The following DAB1 variants were observed in gnomAD, a reference collection of about 807,000 sequenced individuals.
DAB1 encodes DAB adaptor protein 1.
A neutral mutation model predicts 64.6 loss-of-function variants in DAB1; 15 were observed. The observed-to-expected ratio is 0.23, with a 90% CI of 0.16 to 0.36. The LOEUF is 0.36. DAB1 is among the 10% of genes least tolerant of loss of function. DAB1 has a pLI of 1.00. For synonymous variants in DAB1, 235 were observed against 251.9 expected, an observed-to-expected ratio of 0.93 and a Z score of 0.64; for missense variants, 596 against 706.7, an observed-to-expected ratio of 0.84 and a Z score of 1.78.
intron 4 of DAB1, among the ~76,000 whole-genome samples, chr1:57,127,002 T>C (rs12566320): frequency 0.011 from 1,732 of 151,910 alleles, 29 homozygotes; most frequent in East Asian, 0.058. Context: ...GCCATCACTG[T>C]AAAGCACTTG....
intron 2 of DAB1, among the ~76,000 whole-genome samples, chr1:58,508,431 G>A (rs2100421496): frequency 6.6e-6 from 1 of 152,268 alleles, no homozygotes; most frequent in Non-Finnish European, 1.5e-5. Context: ...GAGAAATCCT[G>A]AAACTAGGTG....
chr1:57,025,071 G>A (rs4912422), intron 10 of DAB1, among the ~76,000 whole-genome samples: 20,424 of 152,066 alleles, frequency 0.13, 1,832 homozygotes, highest in East Asian at 0.33. Flanking sequence ...ACCATCCCTC[G>A]GTTTGCACAA....
At chr1:58,260,913 T>G (rs940585436) in intron 4 of DAB1, among the ~76,000 whole-genome samples, 1 of 152,182 alleles carries the variant, frequency 6.6e-6, no homozygotes, top group Non-Finnish European at 1.5e-5. Flanking sequence ...CGAGAGTCCA[T>G]AAAACCCTGA....
At chr1:57,560,795 A>T (rs796437220) in intron 7 of DAB1, among the ~76,000 whole-genome samples, 2 of 152,300 alleles carry the variant, frequency 1.3e-5, no homozygotes, top group African/African-American at 2.4e-5. Context: ...CCCATAGGTG[A>T]ATCACAGCAG....
intron 3 of DAB1, among the ~76,000 whole-genome samples, chr1:58,413,400 C>G (rs1379766271): frequency 6.6e-6 from 1 of 152,154 alleles, no homozygotes; most frequent in Non-Finnish European, 1.5e-5. Context: ...GAAACTGAGG[C>G]ACAGAAATGT....
intron 2 of DAB1, among the ~76,000 whole-genome samples, chr1:58,519,141 C>T (rs1646220256): frequency 6.6e-6 from 1 of 152,150 alleles, no homozygotes; most frequent in Non-Finnish European, 1.5e-5. Context: ...GTATAAGGGT[C>T]ATAACAGAGA....
intron 3 of DAB1, among the ~76,000 whole-genome samples, chr1:58,407,315 TAGA>T (rs1268545915): frequency 2.6e-5 from 4 of 152,274 alleles, no homozygotes; most frequent in African/African-American, 7.2e-5. Context: ...CTATCTCTAC[TAGA>T]ATTGCAAACT....
chr1:57,128,247 A>G (rs1657334649), intron 4 of DAB1, among the ~76,000 whole-genome samples: 1 of 152,032 alleles, frequency 6.6e-6, no homozygotes, highest in Non-Finnish European at 1.5e-5. Flanking sequence ...AAAACACTCT[A>G]CACTCATCAC....
chr1:57,254,200 T>C (rs1669586883), intron 2 of DAB1, among the ~76,000 whole-genome samples: 1 of 152,176 alleles, frequency 6.6e-6, no homozygotes, highest in Non-Finnish European at 1.5e-5. Flanking sequence ...CTCAGTACAA[T>C]CTCCTGGGCT....
chr1:58,219,726 C>A (rs1659056765), intron 4 of DAB1, among the ~76,000 whole-genome samples: 1 of 152,234 alleles, frequency 6.6e-6, no homozygotes, highest in South Asian at 2.1e-4. Flanking sequence ...CACACCTGCA[C>A]CACACACCCT....
intron 7 of DAB1, among the ~76,000 whole-genome samples, chr1:57,537,814 T>C (rs1404289712): frequency 6.6e-6 from 1 of 152,168 alleles, no homozygotes; most frequent in African/African-American, 2.4e-5. Flanking sequence ...AGAGAAGAGT[T>C]TATTTGGCTC....
rs199509084 is a variant in DAB1 at position 58,293,575 on chromosome 1, AC to A, written n.309+49776del. Among the ~76,000 whole-genome samples, 1,351 of 152,236 alleles carry A rather than the reference AC, an allele frequency of 8.9e-3. 28 individuals carry two copies. Among genetic ancestry groups the A allele is most frequent in the African/African-American group, 0.031 (1,296 of 41,554 alleles). ...ATCTTTTTCCTACTTACCACTGGAA[AC>A]CACAGGAGAATCTGGCATGGGCAGG... On this transcript the variant is annotated intron_variant and non_coding_transcript_variant, in intron 4 of 20. Transcript: ENST00000485760.
upstream of DAB1, among the ~76,000 whole-genome samples, chr1:57,887,486 T>C (rs1180819346): frequency 2.0e-5 from 3 of 152,206 alleles, no homozygotes; most frequent in African/African-American, 7.2e-5. Context: ...AGTCAACGCA[T>C]AGAAGAGACA....
At chr1:57,915,040 G>A (rs17520463) in intron 5 of DAB1, among the ~76,000 whole-genome samples, 40,271 of 150,920 alleles carry the variant, frequency 0.27, 5,668 homozygotes, top group African/African-American at 0.28. Flanking sequence ...CAAATAAGCC[G>A]AAGCGAGGGC....
intron 7 of DAB1, among the ~76,000 whole-genome samples, chr1:57,520,269 T>A (rs1644509622): frequency 6.6e-6 from 1 of 152,218 alleles, no homozygotes; most frequent in South Asian, 2.1e-4. Context: ...AGGTTTATTT[T>A]TAAAGAAAAA....
intron 2 of DAB1, among the ~76,000 whole-genome samples, chr1:57,267,984 A>T (rs1670716350): frequency 6.6e-6 from 1 of 152,222 alleles, no homozygotes. Flanking sequence ...ATCATTTATA[A>T]TTCCAAGAAG....
At chr1:58,253,412 G>C (rs1027872518) in intron 4 of DAB1, among the ~76,000 whole-genome samples, 1 of 152,212 alleles carries the variant, frequency 6.6e-6, no homozygotes, top group African/African-American at 2.4e-5. Context: ...TTTCCTGAGT[G>C]TAAATATCCT....
At chr1:58,356,558 A>C (rs60435813) in intron 3 of DAB1, among the ~76,000 whole-genome samples, 2,302 of 152,244 alleles carry the variant, frequency 0.015, 63 homozygotes, top group African/African-American at 0.053. Context: ...GCAGAGAACC[A>C]GCATGTAAGA....
rs1557568547 is a variant in DAB1, at chr1:57,023,570, A to C, written c.856T>G (p.Phe286Val). Reference protein sequence around the residue: ...SQTLPASADVFSSVPFGTAAV... With the variant: ...SQTLPASADVVSSVPFGTAAV... ...GCAGTGCCGAAAGGTACAGAACTAA[A>C]CACATCTGCACTCGCTGGAAGGGTC... The change falls in exon 11 of 15, where the codon TTT (phenylalanine) becomes GTT (valine). Residue 286 changes from phenylalanine to valine, a missense_variant. By Grantham distance (50) the Phe-to-Val change is conservative. Coordinates refer to ENST00000371236, the MANE Select transcript of DAB1 (RefSeq NM_001365792.1). The C allele has an allele frequency of 6.2e-7, 1 of 1,611,684 alleles. No individual in the cohort carries two copies. Among genetic ancestry groups the C allele is most frequent in the South Asian group, 1.1e-5 (1 of 89,982 alleles).
Sources: gnomAD v4.1 joint callset for allele counts (sites outside exome capture counted in the v4.1 genomes callset) on GRCh38, gnomAD v4.1.1 for gene constraint, MANE v1.5 for transcripts, NCBI Gene and HGNC (gene_info 2026-07-23, HGNC 2026-07-21) for gene names.